The following LMTK2 variants were observed in gnomAD, a reference collection of about 807,000 sequenced individuals.
LMTK2 encodes lemur tail kinase 2, also known as serine/threonine-protein kinase LMTK2.
In LMTK2, 37 loss-of-function variants were observed where a neutral mutation model predicts 127.5. The observed-to-expected ratio is 0.29, with a 90% CI of 0.22 to 0.38. The LOEUF (loss-of-function observed/expected upper bound fraction) is 0.38. Among genes scored for constraint, LMTK2 ranks in the 10% least tolerant of loss-of-function variants. The pLI is 1.00. For synonymous variants in LMTK2, 819 were observed against 810.1 expected, an observed-to-expected ratio of 1.01 and a Z score of -0.19; for missense variants, 1,694 against 1,920.3, an observed-to-expected ratio of 0.88 and a Z score of 2.20.
At chr7:98,159,201 A>T in intron 5 of LMTK2, 137 bp from the exon 6 acceptor site, 1 of 506,692 alleles carries the variant, frequency 2.0e-6, no homozygotes. Flanking sequence ...TTAGCCTGTC[A>T]TTTATGTAAA....
At chr7:98,172,343 C>T (rs1195967753) in intron 7 of LMTK2, among the ~76,000 whole-genome samples, 2 of 139,186 alleles carry the variant, frequency 1.4e-5, no homozygotes, top group Non-Finnish European at 3.0e-5. Flanking sequence ...CTTGCTCTGT[C>T]GCCCAGGCAG....
chr7:98,138,671 G>A (rs536373571), intron 2 of LMTK2, among the ~76,000 whole-genome samples: 10 of 152,274 alleles, frequency 6.6e-5, no homozygotes, highest in Non-Finnish European at 1.0e-4. Flanking sequence ...GTCTTGCTGT[G>A]GGACTTTACA....
intron 1 of LMTK2, among the ~76,000 whole-genome samples, chr7:98,118,574 G>A (rs1363691959): frequency 6.6e-6 from 1 of 152,016 alleles, no homozygotes; most frequent in Non-Finnish European, 1.5e-5. Flanking sequence ...GAAAAATAGA[G>A]TGAAGTGGTA....
chr7:98,177,017 C>T (rs985745252), intron 7 of LMTK2, among the ~76,000 whole-genome samples: 2 of 152,040 alleles, frequency 1.3e-5, no homozygotes, highest in Non-Finnish European at 2.9e-5. Flanking sequence ...AGCTGGGATT[C>T]AAAGCTACAC....
rs1562921993 is a variant in LMTK2 at position 98,194,013 on chromosome 7, C to T, written c.3548C>T (p.Ala1183Val). ...GAATTAAGAGCCACGCCGGAGCCAGCACAGACTGGTGTTCCCCAGCAGGTG... is the reference window on the plus strand; with the variant it reads ...GAATTAAGAGCCACGCCGGAGCCAGTACAGACTGGTGTTCCCCAGCAGGTG... ...DLELRATPEPAQTGVPQQVHP... is the reference protein window; with the variant it reads ...DLELRATPEPVQTGVPQQVHP... The change falls in exon 11 of 14, where the codon GCA (alanine) becomes GTA (valine). Residue 1183 changes from alanine to valine, a missense_variant. Transcript: ENST00000297293. This position sits in a 1 kb window ranked among gnomAD's most constrained non-coding sequence, Gnocchi z 5.4. 1.2e-6 allele frequency: 2 copies of T among 1,614,052 alleles called. No individual in the cohort carries two copies. The highest frequency in any genetic ancestry group is 2.2e-5 in the East Asian group (1 of 44,896).
chr7:98,196,189 GAA>G (rs1414467101), intron 11 of LMTK2, among the ~76,000 whole-genome samples: 5 of 114,344 alleles, frequency 4.4e-5, no homozygotes, highest in Non-Finnish European at 5.6e-5. Context: ...ACCTGTCTCA[GAA>G]AAAAAAAAAA....
chr7:98,170,941 G>T (rs141596123), intron 6 of LMTK2, among the ~76,000 whole-genome samples: 1 of 152,064 alleles, frequency 6.6e-6, no homozygotes. Context: ...GCTTGTTAAC[G>T]TGGTGAGTTT....
chr7:98,116,329 T>C (rs1464270017), intron 1 of LMTK2, among the ~76,000 whole-genome samples: 1 of 152,150 alleles, frequency 6.6e-6, no homozygotes, highest in African/African-American at 2.4e-5. Flanking sequence ...CATTTGTAAC[T>C]GAGGATGATG....
In LMTK2 at chr7:98,206,975, G is replaced by A. The variant is rs1052926298; in HGVS notation, c.*1483G>A. On this transcript the variant is annotated 3_prime_UTR_variant, in exon 14 of 14. Coordinates refer to ENST00000297293, the MANE Select transcript of LMTK2 (RefSeq NM_014916.4). ...GCATTAAGCCCCAGGTTCTCTTCTG[G>A]CTTTGAAAGGGCCCGAGTGCTCCCA... The A allele has an allele frequency of 1.3e-5, 2 of 152,202 alleles. No homozygotes were observed. Among genetic ancestry groups the A allele is most frequent in the Admixed American group, 1.3e-4 (2 of 15,274 alleles). 9.4% of individuals were successfully genotyped at this position (152,202 alleles called of 1,614,324 possible). A position where few individuals can be genotyped will look rare whatever the true frequency, so the allele number is the denominator to read the frequency against.
At chr7:98,198,336 G>A (rs1037600003) in intron 11 of LMTK2, among the ~76,000 whole-genome samples, 3 of 151,796 alleles carry the variant, frequency 2.0e-5, no homozygotes, top group African/African-American at 7.3e-5. Flanking sequence ...GATTACAGGC[G>A]TGTGCCACCG....
At chr7:98,190,134 C>T (rs1370511437) in intron 9 of LMTK2, among the ~76,000 whole-genome samples, 1 of 152,178 alleles carries the variant, frequency 6.6e-6, no homozygotes, top group Non-Finnish European at 1.5e-5. Flanking sequence ...ATCTCATCCA[C>T]ATAATTACAC....
chr7:98,146,406 A>T (rs1441891556), intron 3 of LMTK2, among the ~76,000 whole-genome samples: 1 of 151,840 alleles, frequency 6.6e-6, no homozygotes, highest in Non-Finnish European at 1.5e-5. Flanking sequence ...ATTTTATTTT[A>T]TTTTATTTTA....
intron 3 of LMTK2, among the ~76,000 whole-genome samples, chr7:98,146,819 C>T (rs1033427071): frequency 1.2e-4 from 19 of 152,126 alleles, no homozygotes; most frequent in Admixed American, 5.2e-4. Context: ...TCGTATTTAC[C>T]TACATAGTTA....
intron 2 of LMTK2, among the ~76,000 whole-genome samples, chr7:98,140,166 TC>T (rs1562902856): frequency 0.012 from 104 of 8,594 alleles, 5 homozygotes; most frequent in Non-Finnish European, 0.019. Flanking sequence ...TCTTTTCTTT[TC>T]TTTTCTTTCT....
chr7:98,154,549 T>C (rs1391252663), intron 4 of LMTK2, among the ~76,000 whole-genome samples: 1 of 152,252 alleles, frequency 6.6e-6, no homozygotes, highest in African/African-American at 2.4e-5. Context: ...GTGAATATTG[T>C]AACTATCTGG....
At chr7:98,150,899 A>G (rs1796843179) in intron 3 of LMTK2, among the ~76,000 whole-genome samples, 1 of 152,180 alleles carries the variant, frequency 6.6e-6, no homozygotes, top group South Asian at 2.1e-4. Context: ...GGTAATGGAG[A>G]TGTTCCGTAT....
intron 4 of LMTK2, 113 bp downstream of exon 4, chr7:98,151,568 A>T: frequency 3.8e-6 from 3 of 790,020 alleles, no homozygotes; most frequent in Non-Finnish European, 6.1e-6. Context: ...GCCCTGCGTT[A>T]CTAATTGAGT....
At chr7:98,129,608 C>T (rs1796493632) in intron 1 of LMTK2, among the ~76,000 whole-genome samples, 1 of 151,850 alleles carries the variant, frequency 6.6e-6, no homozygotes, top group Non-Finnish European at 1.5e-5. Flanking sequence ...TCAAGTGATC[C>T]TCCTACCTCA....
chr7:98,170,406 G>C (rs1797164790), intron 6 of LMTK2, among the ~76,000 whole-genome samples: 1 of 152,154 alleles, frequency 6.6e-6, no homozygotes. Flanking sequence ...GTGGGTAAAT[G>C]TTTGTAAAGG....
Sources: gnomAD v4.1 joint callset for allele counts (sites outside exome capture counted in the v4.1 genomes callset) on GRCh38, gnomAD v4.1.1 for gene constraint, Gnocchi (gnomAD v3.1) non-coding constraint, MANE v1.5 for transcripts, NCBI Gene and HGNC (gene_info 2026-07-23, HGNC 2026-07-21) for gene names.